The following SDK2 variants were observed in gnomAD, a reference collection of about 807,000 sequenced individuals.
SDK2 encodes sidekick cell adhesion molecule 2.
In SDK2, 105 loss-of-function variants were observed where a neutral mutation model predicts 253.9. That is an observed-to-expected ratio of 0.41 (90% CI 0.35 to 0.49). SDK2 has a LOEUF of 0.49. SDK2 is among the 20% of genes least tolerant of loss of function. SDK2 has a pLI of 0.06. For synonymous variants in SDK2, 1,249 were observed against 1,234.9 expected (o/e 1.01, Z -0.24); for missense variants, 2,608 against 3,003.0 (o/e 0.87, Z 3.07).
intron 38 of SDK2, among the ~76,000 whole-genome samples, chr17:73,363,994 G>A (rs1474910407): frequency 6.6e-6 from 1 of 152,004 alleles, no homozygotes; most frequent in Non-Finnish European, 1.5e-5. Flanking sequence ...TAGGCTCACC[G>A]AGAACTGCTG....
chr17:73,351,557 A>C (rs888776053), intron 41 of SDK2, among the ~76,000 whole-genome samples: 13 of 152,302 alleles, frequency 8.5e-5, no homozygotes, highest in Middle Eastern at 3.4e-3. Context: ...TGCTGGTAGC[A>C]GAAGGCAGGG....
At chr17:73,535,178 CCT>C (rs1164985624) in intron 1 of SDK2, among the ~76,000 whole-genome samples, 2 of 152,064 alleles carry the variant, frequency 1.3e-5, no homozygotes, top group African/African-American at 2.4e-5. Flanking sequence ...AGGGGGCTGC[CCT>C]CTCTTGTGAA....
chr17:73,381,143 A>G (rs943733138), intron 33 of SDK2, among the ~76,000 whole-genome samples, 193 bp from the exon 34 acceptor site: 1 of 152,200 alleles, frequency 6.6e-6, no homozygotes, highest in East Asian at 1.9e-4. Context: ...GGGCAGGGGA[A>G]GGTGGAGGCT....
intron 5 of SDK2, among the ~76,000 whole-genome samples, chr17:73,446,448 T>G (rs1420613313): frequency 1.3e-5 from 2 of 152,168 alleles, no homozygotes; most frequent in Non-Finnish European, 2.9e-5. Flanking sequence ...GATTTCCTTC[T>G]AGGCAGACTG....
rs144850975 is a variant in SDK2 at position 73,383,106 on chromosome 17, G to C, written c.4705+770C>G. On this transcript the variant is annotated intron_variant, in intron 33 of 44. Transcript: ENST00000392650. This position sits in a 1 kb window ranked among gnomAD's most constrained non-coding sequence, Gnocchi z 4.3. ...ACATATCATCTCCCATACTGGCCTC[G>C]GTCCACCCCGAGTCTGTGCCTCGGT... Among the ~76,000 whole-genome samples, 1 of 152,102 alleles carries C rather than the reference G, an allele frequency of 6.6e-6. No homozygotes were observed. The highest frequency in any genetic ancestry group is 1.5e-5 in the Non-Finnish European group (1 of 68,016).
intron 12 of SDK2, among the ~76,000 whole-genome samples, chr17:73,429,122 TAAAG>T (rs2063306625): frequency 6.9e-6 from 1 of 145,908 alleles, no homozygotes; most frequent in South Asian, 2.1e-4. Context: ...TTTTTATAAA[TAAAG>T]TCTGATTTAA....
At chr17:73,472,397 G>A (rs1433834713) in intron 2 of SDK2, among the ~76,000 whole-genome samples, 179 bp from the exon 3 acceptor site, 1 of 152,178 alleles carries the variant, frequency 6.6e-6, no homozygotes, top group Non-Finnish European at 1.5e-5. Flanking sequence ...CAATAAATAG[G>A]AGGGTTCCTC....
chr17:73,376,660 G>GCTGC (rs1194032209), intron 36 of SDK2, among the ~76,000 whole-genome samples: 1 of 151,876 alleles, frequency 6.6e-6, no homozygotes, highest in African/African-American at 2.4e-5. Flanking sequence ...CATTTTCCTG[G>GCTGC]GTCTGTCTAT....
chr17:73,603,272 A>G (rs1045993572), intron 1 of SDK2, among the ~76,000 whole-genome samples: 2 of 152,186 alleles, frequency 1.3e-5, no homozygotes, highest in Admixed American at 6.5e-5. Flanking sequence ...TTAGCAGATC[A>G]GTGTATCTAT....
At position 73,595,213 on chromosome 17, in the gene SDK2, G is replaced by A. The variant is rs151201198; in HGVS notation, c.64+48812C>T. 4.7e-4 allele frequency among the ~76,000 whole-genome samples: 71 copies of A among 152,280 alleles called. No individual in the cohort carries two copies. In the East Asian group the frequency reaches 0.013, roughly 27 times the overall value. On this transcript the variant is annotated intron_variant, in intron 1 of 44. Transcript: ENST00000392650. ...GTGTGGGTGAAGGTGAGGAGGAGGA[G>A]GAGGAGGAGGGAGGAAAGGGAGGTC... is the stretch of plus-strand genomic sequence containing the variant.
intron 1 of SDK2, among the ~76,000 whole-genome samples, chr17:73,582,286 ACACCACGCAGG>A (rs2045546354): frequency 6.7e-6 from 1 of 149,040 alleles, no homozygotes; most frequent in Non-Finnish European, 1.5e-5. Flanking sequence ...TTGGGGGCGC[ACACCACGCAGG>A]CATCAGCATT....
At chr17:73,569,131 A>G (rs2045347495) in intron 1 of SDK2, among the ~76,000 whole-genome samples, 1 of 152,170 alleles carries the variant, frequency 6.6e-6, no homozygotes, top group African/African-American at 2.4e-5. Flanking sequence ...TCACACAGCT[A>G]GTAGTAAGAG....
In SDK2 at chr17:73,643,986, C is replaced by T. The variant is rs2046431069; in HGVS notation, c.64+39G>A. The stretch of plus-strand genomic sequence containing the variant: ...GCCGCCCCTCCCCCGCCCACTCTCC[C>T]AGCCCCCTCCCTGTCCCCACGTGGG... On this transcript the variant is annotated intron_variant, in intron 1 of 44. Coordinates refer to ENST00000392650, the MANE Select transcript of SDK2 (RefSeq NM_001144952.2). The surrounding 1 kb of genome is among the most constrained non-coding windows in gnomAD (Gnocchi z 6.9). The T allele has an allele frequency of 2.7e-6, 4 of 1,470,384 alleles. No individual in the cohort carries two copies. Among genetic ancestry groups the T allele is most frequent in the Non-Finnish European group, 3.7e-6 (4 of 1,077,622 alleles). 91.1% of individuals were successfully genotyped at this position (1,470,384 alleles called of 1,614,324 possible).
intron 1 of SDK2, among the ~76,000 whole-genome samples, chr17:73,546,023 A>C (rs1012401213): frequency 1.3e-5 from 2 of 152,112 alleles, no homozygotes; most frequent in African/African-American, 4.8e-5. Flanking sequence ...CCCAGGGCTC[A>C]AAAGATGGGA....
At chr17:73,619,341 C>CCAGCAGAAATCAAAACAG (rs569447752) in intron 1 of SDK2, among the ~76,000 whole-genome samples, 7 of 152,082 alleles carry the variant, frequency 4.6e-5, no homozygotes, top group Middle Eastern at 3.2e-3. Context: ...AGCTAACCCT[C>CCAGCAGAAATCAAAACAG]CAGCAGAAAT....
intron 10 of SDK2, among the ~76,000 whole-genome samples, 174 bp downstream of exon 10, chr17:73,433,558 G>A (rs986723368): frequency 1.3e-5 from 2 of 152,156 alleles, no homozygotes; most frequent in Admixed American, 6.5e-5. Flanking sequence ...CAAGATGCTG[G>A]GATTATAGGC....
Position 73,395,953 on chromosome 17 carries a change from G to A in SDK2, c.3355-561C>T, listed in dbSNP as rs2062967963. On this transcript the variant is annotated intron_variant, in intron 24 of 44. Coordinates refer to ENST00000392650, the MANE Select transcript of SDK2 (RefSeq NM_001144952.2). This position sits in a 1 kb window ranked among gnomAD's most constrained non-coding sequence, Gnocchi z 4.3. ...TTTTTTTAAGACAGGGTCTGGCTCT[G>A]TCTCTCAGGCTGCAGTGCCATGGTG... is the stretch of plus-strand genomic sequence containing the variant. Among the ~76,000 whole-genome samples the A allele has an allele frequency of 6.6e-6, 1 of 151,338 alleles. No individual in the cohort carries two copies. The highest frequency in any genetic ancestry group is 6.6e-5 in the Admixed American group (1 of 15,152).
chr17:73,553,626 C>A (rs1262163294), intron 1 of SDK2, among the ~76,000 whole-genome samples: 1 of 152,150 alleles, frequency 6.6e-6, no homozygotes, highest in Non-Finnish European at 1.5e-5. Flanking sequence ...CACTACCTGG[C>A]CACAGCCTCC....
chr17:73,380,630 C>T (rs1404455300), intron 34 of SDK2, among the ~76,000 whole-genome samples: 2 of 152,238 alleles, frequency 1.3e-5, no homozygotes, highest in East Asian at 1.9e-4. Context: ...CACTGTCCCC[C>T]GACCCAGCCG....
Sources: gnomAD v4.1 joint callset for allele counts (sites outside exome capture counted in the v4.1 genomes callset) on GRCh38, gnomAD v4.1.1 for gene constraint, Gnocchi (gnomAD v3.1) non-coding constraint, MANE v1.5 for transcripts, NCBI Gene and HGNC (gene_info 2026-07-23, HGNC 2026-07-21) for gene names.